The following CNGB3 variants were observed in gnomAD, a reference collection of about 807,000 sequenced individuals.
CNGB3 encodes the protein cyclic nucleotide gated channel subunit beta 3, also known as cyclic nucleotide-gated channel beta-3.
In CNGB3, 86 loss-of-function variants were observed where a neutral mutation model predicts 92.8. The observed-to-expected ratio is 0.93, with a 90% CI of 0.78 to 1.11. The LOEUF is 1.11. Ranked by LOEUF, CNGB3 falls within the 50% of genes least tolerant of loss-of-function variation. The pLI, the probability that CNGB3 is intolerant of heterozygous loss-of-function variation, is 0.00. For synonymous variants in CNGB3, 333 were observed against 332.7 expected (o/e 1.00, Z -0.01); for missense variants, 1,026 against 956.8 (o/e 1.07, Z -0.95).
At position 86,641,733 on chromosome 8, in the gene CNGB3, A is replaced by C. The variant is rs545971808; in HGVS notation, c.1178+2018T>G. Among the ~76,000 whole-genome samples, 15 of 151,866 alleles carry C rather than the reference A, an allele frequency of 9.9e-5. No individual in the cohort carries two copies. The East Asian group carries it at 2.7e-3, about 27-fold the overall frequency. On this transcript the variant is annotated intron_variant, in intron 10 of 17. Transcript: ENST00000320005. ...TTCTATTGTACTCCAGGTTTGGTAC[A>C]TATGTTTGTGTTTTAGCCTTTGGAG...
At chr8:86,580,280 A>C (rs1286504202) in intron 15 of CNGB3, among the ~76,000 whole-genome samples, 1 of 152,118 alleles carries the variant, frequency 6.6e-6, no homozygotes, top group African/African-American at 2.4e-5. Context: ...ATTTGAGAAA[A>C]GATTTGGGTG....
rs1204900611 is a variant in CNGB3, at chr8:86,743,599, T to C, written c.29A>G (p.Lys10Arg). The change falls in exon 1 of 18, where the codon AAG becomes AGG. Residue 10 changes from lysine (K) to arginine (R), a missense_variant. Physicochemically the swap from Lys to Arg is conservative, Grantham distance 26. Coordinates refer to ENST00000320005, the MANE Select transcript of CNGB3 (RefSeq NM_019098.5). ...ATTGTTCTCTCCTATAGGCTTCACC[T>C]TGTTGACTTTTGTCAGCGATTTAAA... MFKSLTKVN[K>R]VKPIGENNEN... 1.9e-6 allele frequency: 3 copies of C among 1,614,038 alleles called. No individual in the cohort carries two copies. The East Asian group carries it at 6.7e-5, about 36-fold the overall frequency.
At chr8:86,600,877 G>A (rs181341302) in intron 15 of CNGB3, among the ~76,000 whole-genome samples, 72 of 136,108 alleles carry the variant, frequency 5.3e-4, no homozygotes, top group Admixed American at 3.7e-3. Flanking sequence ...TGATCTACCC[G>A]CCTCAGCCTC....
chr8:86,588,181 T>C (rs1209939434), intron 15 of CNGB3, among the ~76,000 whole-genome samples: 1 of 147,920 alleles, frequency 6.8e-6, no homozygotes, highest in Admixed American at 6.7e-5. Flanking sequence ...TTTTTGCACA[T>C]TGATTTTGTA....
intron 10 of CNGB3, among the ~76,000 whole-genome samples, chr8:86,633,228 G>A (rs1358789287): frequency 6.6e-6 from 1 of 152,176 alleles, no homozygotes; most frequent in Non-Finnish European, 1.5e-5. Flanking sequence ...TGATGACCGG[G>A]CCCTCAGCTG....
At chr8:86,708,439 C>T (rs942547265) in intron 3 of CNGB3, among the ~76,000 whole-genome samples, 2 of 152,070 alleles carry the variant, frequency 1.3e-5, no homozygotes, top group Non-Finnish European at 2.9e-5. Context: ...TACACTTGAT[C>T]TTGGCCAAAA....
chr8:86,643,884 G>A lies in CNGB3; in HGVS notation c.1056-11C>T. Reference sequence around the variant, plus strand: ...GTTGTTCGAATAACTCTGTCAGAGAGAATAGATGCAAAGTAAGATTCATGT... The same window carrying A: ...GTTGTTCGAATAACTCTGTCAGAGAAAATAGATGCAAAGTAAGATTCATGT... On this transcript the variant is annotated splice_polypyrimidine_tract_variant and intron_variant, in intron 9 of 17. Coordinates refer to ENST00000320005, the MANE Select transcript of CNGB3 (RefSeq NM_019098.5). 1 of 1,602,790 alleles carries A rather than the reference G, an allele frequency of 6.2e-7. No homozygotes were observed. Among genetic ancestry groups the A allele is most frequent in the Non-Finnish European group, 8.5e-7 (1 of 1,172,544 alleles).
At chr8:86,656,512 T>C (rs551381048) in intron 6 of CNGB3, among the ~76,000 whole-genome samples, 17 of 152,256 alleles carry the variant, frequency 1.1e-4, no homozygotes, top group African/African-American at 3.9e-4. Flanking sequence ...CCGGTAACAA[T>C]TAGGTACTTA....
chr8:86,728,563 GTA>G (rs1825103699), intron 2 of CNGB3, among the ~76,000 whole-genome samples: 1 of 151,934 alleles, frequency 6.6e-6, no homozygotes, highest in East Asian at 1.9e-4. Context: ...ATCCTTTTTT[GTA>G]TCCACAAACA....
chr8:86,648,193 A>G (rs1823326523), intron 7 of CNGB3, among the ~76,000 whole-genome samples: 1 of 151,202 alleles, frequency 6.6e-6, no homozygotes, highest in South Asian at 2.1e-4. Flanking sequence ...TGCTAATGTT[A>G]AAATACGTTT....
At chr8:86,608,570 C>T (rs1003434215) in intron 14 of CNGB3, among the ~76,000 whole-genome samples, 6 of 152,226 alleles carry the variant, frequency 3.9e-5, no homozygotes, top group Admixed American at 2.6e-4. Context: ...CTAACCGTCT[C>T]CCTGTGATGC....
intron 3 of CNGB3, among the ~76,000 whole-genome samples, chr8:86,678,981 T>G (rs564173851): frequency 6.6e-6 from 1 of 152,252 alleles, no homozygotes; most frequent in African/African-American, 2.4e-5. Context: ...GGTATTTTTT[T>G]GGGAGTAGAA....
chr8:86,679,727 T>A (rs1824043585), intron 3 of CNGB3, among the ~76,000 whole-genome samples: 1 of 152,140 alleles, frequency 6.6e-6, no homozygotes, highest in African/African-American at 2.4e-5. Context: ...AGATTTGCCA[T>A]GTTGGCCAGG....
intron 15 of CNGB3, among the ~76,000 whole-genome samples, chr8:86,597,734 C>G (rs1040668236): frequency 2.6e-5 from 4 of 152,112 alleles, no homozygotes; most frequent in African/African-American, 9.7e-5. Context: ...TAATCCAGCA[C>G]TCTGGGAGGC....
intron 3 of CNGB3, among the ~76,000 whole-genome samples, chr8:86,699,004 T>G (rs1824501182): frequency 6.6e-6 from 1 of 152,178 alleles, no homozygotes. Flanking sequence ...TGGGAGTATA[T>G]GGTATGTATT....
chr8:86,717,233 C>G (rs1824871908), intron 3 of CNGB3, among the ~76,000 whole-genome samples: 1 of 151,982 alleles, frequency 6.6e-6, no homozygotes, highest in Admixed American at 6.6e-5. Context: ...TACTACTAGA[C>G]CTAAGAAATG....
Position 86,726,562 on chromosome 8 carries a change from C to T in CNGB3, c.307G>A (p.Glu103Lys), listed in dbSNP as rs772140410. The T allele has an allele frequency of 1.4e-5, 23 of 1,613,860 alleles. No individual in the cohort carries two copies. The highest frequency in any genetic ancestry group is 1.9e-5 in the Non-Finnish European group (22 of 1,179,790). ...GGACCTTCTTTCCCGGGGTCCATTT[C>T]CTTCTGCTCTGGCACTGTTCCAGTT... is the stretch of plus-strand genomic sequence containing the variant. ...EPTGTVPEQK[E>K]MDPGKEGPNS... The change falls in exon 3 of 18, where the codon GAA becomes AAA. Residue 103 changes from glutamate to lysine, a missense_variant. Physicochemically the swap from Glu to Lys is moderately conservative, Grantham distance 56. Transcript: ENST00000320005.
chr8:86,724,121 C>T (rs1188833837), intron 3 of CNGB3, among the ~76,000 whole-genome samples: 3 of 152,062 alleles, frequency 2.0e-5, no homozygotes, highest in African/African-American at 7.2e-5. Context: ...GTACATCAAA[C>T]CCTTGCAACA....
chr8:86,670,965 G>T lies in CNGB3; in HGVS notation c.472C>A (p.Pro158Thr). The change falls in exon 4 of 18, where the codon CCC becomes ACC. Residue 158 changes from proline to threonine, a missense_variant. Pro to Thr is a conservative substitution (Grantham distance 38, BLOSUM62 -1). Coordinates refer to ENST00000320005, the MANE Select transcript of CNGB3 (RefSeq NM_019098.5). The part of the protein sequence containing the change: ...KKLVEGDLSS[P>T]EASPQTAKPT... ...TTACCAGTTTGTGGGCTGGCTTCGG[G>T]TGAGGAGAGATCTCCCTCTACCAAC... The T allele has an allele frequency of 6.2e-7, 1 of 1,612,524 alleles. No homozygotes were observed. Among genetic ancestry groups the T allele is most frequent in the Non-Finnish European group, 8.5e-7 (1 of 1,180,014 alleles).
Sources: gnomAD v4.1 joint callset for allele counts (sites outside exome capture counted in the v4.1 genomes callset) on GRCh38, gnomAD v4.1.1 for gene constraint, MANE v1.5 for transcripts, NCBI Gene and HGNC (gene_info 2026-07-23, HGNC 2026-07-21) for gene names.